The following INTU variants were observed in gnomAD, a reference collection of about 807,000 sequenced individuals.
INTU encodes inturned planar cell polarity protein, also known as protein inturned.
A neutral mutation model predicts 100.5 loss-of-function variants in INTU; 68 were observed. The observed-to-expected ratio is 0.68, with a 90% confidence interval of 0.56 to 0.83. INTU has a LOEUF of 0.83. Among genes scored for constraint, INTU ranks in the 40% least tolerant of loss-of-function variants. The pLI, the probability that INTU is intolerant of heterozygous loss-of-function variation, is 0.00. For synonymous variants in INTU, 357 were observed against 395.7 expected (o/e 0.90, Z 1.16); for missense variants, 1,071 against 1,114.7 (o/e 0.96, Z 0.56).
At position 127,711,962 on chromosome 4, in the gene INTU, A is replaced by T. The variant is rs528798135; in HGVS notation, c.2559+860A>T. 2.6e-4 allele frequency among the ~76,000 whole-genome samples: 39 copies of T among 152,338 alleles called. 1 individual carries two copies. The highest frequency in any genetic ancestry group is 6.5e-4 in the Admixed American group (10 of 15,298). On this transcript the variant is annotated intron_variant, in intron 14 of 15. Transcript: ENST00000335251. ...TAATAATGCTGTGTACAATTACAAT[A>T]TCAGATTATTTAAATGGCAGGAAAA... is the stretch of plus-strand genomic sequence containing the variant.
chr4:127,710,842 C>G, intron 13 of INTU, 71 bp from the exon 14 acceptor site: 1 of 933,222 alleles, frequency 1.1e-6, no homozygotes, highest in Non-Finnish European at 1.5e-6. Context: ...CTACTAAATT[C>G]AAAATGAACC....
rs1254562882 is a variant in INTU at position 127,705,685 on chromosome 4, A to G, written c.1661A>G (p.Gln554Arg). 1.2e-6 allele frequency: 2 copies of G among 1,613,910 alleles called. No homozygotes were observed. Among genetic ancestry groups the G allele is most frequent in the African/African-American group, 1.3e-5 (1 of 74,894 alleles). Residue 554 changes from glutamine (Q) to arginine (R), a missense_variant, in exon 11 of 16, where the codon CAA (glutamine) becomes CGA (arginine). Physicochemically the swap from Gln to Arg is conservative, Grantham distance 43 (BLOSUM62 1). Transcript: ENST00000335251. ...TGCCTGCTGCCTTTAGCAGCAAAAC[A>G]AAGAATTGGTCAGTTGATCATATGG... Reference protein sequence around the residue: ...HYCLLPLAAKQRIGQLIIWRE... With the variant: ...HYCLLPLAAKRRIGQLIIWRE...
In INTU at chr4:127,724,923, A is replaced by T. The variant is rs555697796; in HGVS notation, c.*8487A>T. ...CAAACCACTACATATTTGTCCCATT[A>T]GTGACTAGTGGGCCTTAATTTTGGC... On this transcript the variant is annotated 3_prime_UTR_variant, in exon 16 of 16. Coordinates refer to ENST00000335251, the MANE Select transcript of INTU (RefSeq NM_015693.4). 2.0e-5 allele frequency: 3 copies of T among 152,218 alleles called. No individual in the cohort carries two copies. The highest frequency in any genetic ancestry group is 4.4e-5 in the Non-Finnish European group (3 of 68,014). The allele number at this position is 152,218 out of a possible 1,614,324, so 9.4% of individuals were successfully genotyped here. A position where few individuals can be genotyped will look rare whatever the true frequency, so the allele number is the denominator to read the frequency against.
chr4:127,667,844 C>T (rs1182553759), intron 4 of INTU, among the ~76,000 whole-genome samples: 3 of 152,020 alleles, frequency 2.0e-5, no homozygotes, highest in Admixed American at 6.6e-5. Context: ...ATTGAATGTG[C>T]TTACTAAGTA....
At chr4:127,657,889 G>A (rs1367880623) in intron 3 of INTU, among the ~76,000 whole-genome samples, 1 of 152,042 alleles carries the variant, frequency 6.6e-6, no homozygotes, top group Non-Finnish European at 1.5e-5. Context: ...AATGTAATGT[G>A]CTTGAATCAT....
At chr4:127,637,470 C>T (rs1337750755) in intron 1 of INTU, among the ~76,000 whole-genome samples, 1 of 152,168 alleles carries the variant, frequency 6.6e-6, no homozygotes, top group African/African-American at 2.4e-5. Context: ...TGCTTTCACA[C>T]CTACACCTTT....
At chr4:127,662,415 G>A (rs570977127) in intron 3 of INTU, among the ~76,000 whole-genome samples, 18 of 152,236 alleles carry the variant, frequency 1.2e-4, no homozygotes, top group African/African-American at 4.3e-4. Flanking sequence ...TTAGATTTAA[G>A]TCTTTAATCC....
rs1360776099 is a variant in INTU at position 127,725,510 on chromosome 4, A to T, written c.*9074A>T. 6.6e-6 allele frequency: 1 copy of T among 152,222 alleles called. No homozygotes were observed. Among genetic ancestry groups the T allele is most frequent in the Non-Finnish European group, 1.5e-5 (1 of 68,046 alleles). The allele number at this position is 152,222 out of a possible 1,614,324, so 9.4% of individuals were successfully genotyped here. ...TGAACTACTTCTAATACTGATAATT[A>T]TGAATAAACGTAGCTGTTGATCACC... On this transcript the variant is annotated 3_prime_UTR_variant, in exon 16 of 16. Transcript: ENST00000335251.
intron 15 of INTU, 28 bp downstream of exon 15, chr4:127,714,121 G>C: frequency 6.3e-7 from 1 of 1,583,738 alleles, no homozygotes; most frequent in Non-Finnish European, 8.6e-7. Context: ...GTATTTGAAA[G>C]TAAAGTGTTA....
intron 14 of INTU, among the ~76,000 whole-genome samples, chr4:127,711,555 T>C (rs1731095468): frequency 6.6e-6 from 1 of 152,164 alleles, no homozygotes; most frequent in South Asian, 2.1e-4. Flanking sequence ...TAGCTCTCTG[T>C]GGCCTATTAG....
intron 4 of INTU, among the ~76,000 whole-genome samples, 154 bp from the exon 5 acceptor site, chr4:127,668,882 C>T (rs1258653716): frequency 6.6e-6 from 1 of 151,738 alleles, no homozygotes; most frequent in Non-Finnish European, 1.5e-5. Context: ...TGTTAAAATT[C>T]CAAGCATAGT....
Position 127,639,882 on chromosome 4 carries a change from G to C in INTU, c.147-3639G>C, listed in dbSNP as rs577418832. Among the ~76,000 whole-genome samples, 4 of 152,194 alleles carry C rather than the reference G, an allele frequency of 2.6e-5. No individual in the cohort carries two copies. In the South Asian group the frequency reaches 6.2e-4, roughly 24 times the overall value. On this transcript the variant is annotated intron_variant, in intron 1 of 15. Transcript: ENST00000335251. ...CAGAATTTATTTCTCCTATCTAACT[G>C]TAACTTTGTACCCGTCGACCAATCT...
rs1194546003 is a variant in INTU, at chr4:127,647,570, C to T, written c.682+3514C>T. On this transcript the variant is annotated intron_variant, in intron 2 of 15. Coordinates refer to ENST00000335251, the MANE Select transcript of INTU (RefSeq NM_015693.4). The stretch of plus-strand genomic sequence containing the variant: ...TTAAGTTAATTACAACTGCAAAGTC[C>T]TTCTTGCTGTGTAAGGTAGCATATT... 2.6e-5 allele frequency among the ~76,000 whole-genome samples: 4 copies of T among 152,216 alleles called. No individual in the cohort carries two copies. The South Asian group carries it at 6.2e-4, about 24-fold the overall frequency.
Position 127,643,685 on chromosome 4 carries a change from GA to G in INTU, c.317del (p.Lys106SerfsTer13), listed in dbSNP as rs1473489225. On this transcript the variant is annotated frameshift_variant, in exon 2 of 16. Transcript: ENST00000335251. LOFTEE classifies it high-confidence loss of function. ...ATCATTGAAGATGACTACAAAGAAAGAAAAAAGTATGAACCCAAACTCAAGC... is the reference window on the plus strand; with the variant it reads ...ATCATTGAAGATGACTACAAAGAAAGAAAAAGTATGAACCCAAACTCAAGC... ...EIIIEDDYKE[R>X]KKYEPKLKQF... 1 of 1,611,558 alleles carries G rather than the reference GA, an allele frequency of 6.2e-7. No individual in the cohort carries two copies. Among genetic ancestry groups the G allele is most frequent in the Non-Finnish European group, 8.5e-7 (1 of 1,179,432 alleles).
chr4:127,706,702 A>T lies in INTU; in HGVS notation c.2004A>T (p.Thr668=). The change falls in exon 12 of 16, where the codon ACA becomes ACT. Residue 668 remains threonine, a synonymous_variant. Transcript: ENST00000335251. ...TCCTTACTGGATCACGTGAAAAAAC[A>T]GATAGCTTGACCACTTCGCCTATTC... ...DWFLTGSREK[T]DSLTTSPILS... 6.2e-7 allele frequency: 1 copy of T among 1,614,122 alleles called. No homozygotes were observed. Among genetic ancestry groups the T allele is most frequent in the Non-Finnish European group, 8.5e-7 (1 of 1,179,986 alleles).
chr4:127,712,823 G>C (rs894004317), intron 14 of INTU, among the ~76,000 whole-genome samples: 1 of 152,226 alleles, frequency 6.6e-6, no homozygotes, highest in African/African-American at 2.4e-5. Context: ...TCTGCCTCCT[G>C]TCAGGTCAGC....
chr4:127,660,942 T>C (rs1728450301), intron 3 of INTU, among the ~76,000 whole-genome samples: 2 of 152,198 alleles, frequency 1.3e-5, no homozygotes, highest in African/African-American at 2.4e-5. Context: ...AGCACTTAAC[T>C]CTTAATTTGG....
chr4:127,701,302 A>C (rs1225064733), intron 9 of INTU, among the ~76,000 whole-genome samples: 4 of 152,300 alleles, frequency 2.6e-5, no homozygotes, highest in African/African-American at 9.6e-5. Flanking sequence ...GTGGGGGAGA[A>C]GGGAGAGAAG....
In INTU at chr4:127,670,910, A is replaced by T. The variant is rs1449886372; in HGVS notation, c.1091+1756A>T. On this transcript the variant is annotated intron_variant, in intron 5 of 15. Transcript: ENST00000335251. ...GGTGCTGGGAAAGTTGGATAGCCAT[A>T]TGCAAAAGAATGAAACTGAACCCAT... Among the ~76,000 whole-genome samples the T allele has an allele frequency of 2.0e-5, 3 of 152,064 alleles. No homozygotes were observed. In the East Asian group the frequency reaches 5.8e-4, roughly 29 times the overall value.
Sources: allele counts gnomAD v4.1 joint callset (sites outside exome capture counted in the v4.1 genomes callset), GRCh38; gene constraint gnomAD v4.1.1; transcripts MANE v1.5; gene names NCBI Gene and HGNC (gene_info 2026-07-23, HGNC 2026-07-21).